The following MEIS2 variants were observed in gnomAD, a reference collection of about 807,000 sequenced individuals.
MEIS2 encodes the protein Meis homeobox 2, also known as homeobox protein Meis2.
MEIS2 carries 9 observed loss-of-function variants against 58.6 expected under a neutral mutation model. That is an observed-to-expected ratio of 0.15 (90% CI 0.09 to 0.27). The LOEUF (loss-of-function observed/expected upper bound fraction) is 0.27. Ranked by LOEUF, MEIS2 falls within the 10% of genes least tolerant of loss-of-function variation. The pLI is 1.00. For synonymous variants in MEIS2, 221 were observed against 228.4 expected (o/e 0.97, Z 0.29); for missense variants, 427 against 635.0 (o/e 0.67, Z 3.52).
intron 8 of MEIS2, among the ~76,000 whole-genome samples, chr15:37,021,903 CT>C (rs1391435504): frequency 3.3e-5 from 5 of 152,102 alleles, no homozygotes; most frequent in Admixed American, 2.6e-4. Flanking sequence ...ACCCGGTTTA[CT>C]TTGCCTAGCA....
intron 9 of MEIS2, among the ~76,000 whole-genome samples, chr15:36,926,880 C>A (rs1386112646): frequency 6.6e-6 from 1 of 152,190 alleles, no homozygotes; most frequent in East Asian, 1.9e-4. Context: ...CAGGACTGTA[C>A]TTTATAATCA....
intron 7 of MEIS2, among the ~76,000 whole-genome samples, chr15:37,041,078 C>T (rs896453297): frequency 1.3e-5 from 2 of 152,188 alleles, no homozygotes; most frequent in Non-Finnish European, 2.9e-5. Flanking sequence ...CTGGCCTGGG[C>T]CTTATTCACT....
At chr15:37,025,892 T>TA (rs1274072746) in intron 8 of MEIS2, among the ~76,000 whole-genome samples, 2 of 152,166 alleles carry the variant, frequency 1.3e-5, no homozygotes, top group Non-Finnish European at 2.9e-5. Flanking sequence ...CCTTCAGGTC[T>TA]AAGCTCTAAG....
At chr15:36,935,186 CTT>C (rs71126245) in intron 9 of MEIS2, among the ~76,000 whole-genome samples, 84 of 136,612 alleles carry the variant, frequency 6.1e-4, no homozygotes, top group Admixed American at 1.6e-3. Flanking sequence ...ATTCTTTTTT[CTT>C]TTTTTTTTTT....
intron 7 of MEIS2, among the ~76,000 whole-genome samples, chr15:37,060,320 C>T (rs942447612): frequency 6.6e-6 from 1 of 152,158 alleles, no homozygotes; most frequent in Admixed American, 6.5e-5. Context: ...GACAAAAATA[C>T]ATATTCTTAA....
chr15:36,976,306 G>C (rs574742683), intron 8 of MEIS2, among the ~76,000 whole-genome samples: 8 of 151,586 alleles, frequency 5.3e-5, no homozygotes, highest in Admixed American at 2.6e-4. Context: ...GGCTGGTCTC[G>C]AACTCCTGAC....
At chr15:36,976,364 G>A (rs960028009) in intron 8 of MEIS2, among the ~76,000 whole-genome samples, 17 of 152,100 alleles carry the variant, frequency 1.1e-4, no homozygotes, top group South Asian at 8.3e-4. Flanking sequence ...GATTACAGGC[G>A]TGAGCCACCG....
upstream of MEIS2, chr15:37,100,745 T>TGCGC (rs903217897): frequency 1.7e-4 from 24 of 142,424 alleles, no homozygotes; most frequent in African/African-American, 5.7e-4. Context: ...GCGTGTGTGT[T>TGCGC]GCGCGCGCGC....
chr15:36,914,042 G>A (rs547649099), intron 9 of MEIS2, among the ~76,000 whole-genome samples: 8 of 152,176 alleles, frequency 5.3e-5, no homozygotes, highest in South Asian at 2.1e-4. Context: ...AGGTCAAAGC[G>A]ATTGGTGGTA....
At chr15:36,917,948 G>A (rs1394678043) in intron 9 of MEIS2, among the ~76,000 whole-genome samples, 4 of 152,088 alleles carry the variant, frequency 2.6e-5, no homozygotes, top group African/African-American at 9.7e-5. Flanking sequence ...TGGTTCCCCT[G>A]GTTCATCTCC....
At position 36,892,227 on chromosome 15, in the gene MEIS2, T is replaced by A; in HGVS notation, c.1380A>T (p.Leu460Phe). 1 of 1,614,172 alleles carries A rather than the reference T, an allele frequency of 6.2e-7. No individual in the cohort carries two copies. Among genetic ancestry groups the A allele is most frequent in the Non-Finnish European group, 8.5e-7 (1 of 1,180,036 alleles). Residue 460 changes from leucine to phenylalanine, a missense_variant, in exon 12 of 12, where the codon TTA (leucine) becomes TTT (phenylalanine). Leu to Phe is a conservative substitution (Grantham distance 22). Coordinates refer to ENST00000561208, the MANE Select transcript of MEIS2 (RefSeq NM_170675.5). The stretch of plus-strand genomic sequence containing the variant: ...CGCCAACATTGGGATCTACAGAATT[T>A]AACATTGTGGGGCTCTGTGCTGACA... ...MTMSAQSPTM[L>F]NSVDPNVGGQ...
At chr15:36,931,343 A>G (rs930823366) in intron 9 of MEIS2, among the ~76,000 whole-genome samples, 6 of 152,226 alleles carry the variant, frequency 3.9e-5, no homozygotes, top group African/African-American at 1.4e-4. Context: ...TGAGGCTGAC[A>G]TTACTTCAAG....
At chr15:37,089,282 C>A (rs1893250110) in intron 6 of MEIS2, among the ~76,000 whole-genome samples, 1 of 152,090 alleles carries the variant, frequency 6.6e-6, no homozygotes, top group African/African-American at 2.4e-5. Context: ...TTCATTATTT[C>A]CCCCTTGATA....
At chr15:37,025,319 A>C (rs1410915194) in intron 8 of MEIS2, among the ~76,000 whole-genome samples, 1 of 152,244 alleles carries the variant, frequency 6.6e-6, no homozygotes, top group Non-Finnish European at 1.5e-5. Flanking sequence ...CACTCAGATA[A>C]ATTAAATAAC....
intron 8 of MEIS2, among the ~76,000 whole-genome samples, chr15:36,988,789 A>G (rs1001952641): frequency 1.3e-5 from 2 of 152,196 alleles, no homozygotes; most frequent in Non-Finnish European, 2.9e-5. Context: ...CCCAAACAAT[A>G]ATTTGCATTC....
At chr15:37,065,872 T>C (rs17437794) in intron 7 of MEIS2, among the ~76,000 whole-genome samples, 14,527 of 152,248 alleles carry the variant, frequency 0.095, 856 homozygotes, top group Non-Finnish European at 0.14. Flanking sequence ...GCAGATCTTA[T>C]TATTCCCAAA....
At chr15:36,993,053 T>C (rs1335079313) in intron 8 of MEIS2, among the ~76,000 whole-genome samples, 2 of 152,166 alleles carry the variant, frequency 1.3e-5, no homozygotes, top group African/African-American at 2.4e-5. Flanking sequence ...TAGCTGAGGA[T>C]TGTTACACAG....
chr15:37,024,187 T>C (rs906127262), intron 8 of MEIS2, among the ~76,000 whole-genome samples: 1 of 152,038 alleles, frequency 6.6e-6, no homozygotes, highest in African/African-American at 2.4e-5. Flanking sequence ...TGTGAGCCAC[T>C]GCGCCTGTCC....
At chr15:36,931,507 C>A (rs892935781) in intron 9 of MEIS2, among the ~76,000 whole-genome samples, 1 of 152,142 alleles carries the variant, frequency 6.6e-6, no homozygotes, top group African/African-American at 2.4e-5. Flanking sequence ...TGGCATACAA[C>A]AAAATTGAAA....
Sources: allele counts gnomAD v4.1 joint callset (sites outside exome capture counted in the v4.1 genomes callset), GRCh38; gene constraint gnomAD v4.1.1; transcripts MANE v1.5; gene names NCBI Gene and HGNC (gene_info 2026-07-23, HGNC 2026-07-21).